The following VWA8 variants were observed in gnomAD, a reference collection of about 807,000 sequenced individuals.
VWA8 encodes von Willebrand factor A domain-containing protein 8.
VWA8 carries 221 observed loss-of-function variants against 241.5 expected under a neutral mutation model. That is an observed-to-expected ratio of 0.91 (90% CI 0.82 to 1.02). The LOEUF (loss-of-function observed/expected upper bound fraction) is 1.02, where lower values mean the gene tolerates loss of function less well. VWA8 is among the 50% of genes least tolerant of loss of function. The pLI is 0.00. For missense variants in VWA8, 2,322 were observed against 2,328.7 expected (o/e 1.00, Z 0.06); for synonymous variants, 852 against 827.1 (o/e 1.03, Z -0.52).
chr13:41,957,765 A>G (rs1386390662), intron 1 of VWA8, among the ~76,000 whole-genome samples: 3 of 152,274 alleles, frequency 2.0e-5, no homozygotes, highest in East Asian at 1.9e-4. Flanking sequence ...AAAGTATTTT[A>G]GGGTATTTCT....
intron 2 of VWA8, among the ~76,000 whole-genome samples, chr13:41,912,480 GAAT>G (rs1306792202): frequency 6.6e-6 from 1 of 151,964 alleles, no homozygotes; most frequent in Non-Finnish European, 1.5e-5. Context: ...CATAACATTT[GAAT>G]AATAACCTAT....
chr13:41,940,281 C>T lies in VWA8; in HGVS notation c.241+9655G>A, dbSNP rs76557775. On this transcript the variant is annotated intron_variant, in intron 2 of 44. Coordinates refer to ENST00000379310, the MANE Select transcript of VWA8 (RefSeq NM_015058.2). ...TGAAAGTCTATCATTTTATGTTTCA[C>T]TTGAAAATATTAAATATCTAAAAAG... Among the ~76,000 whole-genome samples the T allele has an allele frequency of 1.7e-3, 259 of 152,170 alleles. 2 individuals carry two copies. The highest frequency in any genetic ancestry group is 5.7e-3 in the African/African-American group (238 of 41,522).
chr13:41,789,471 C>CA (rs963290957), intron 17 of VWA8, among the ~76,000 whole-genome samples: 25 of 150,280 alleles, frequency 1.7e-4, no homozygotes, highest in East Asian at 3.9e-4. Flanking sequence ...ATTTTACCAA[C>CA]AAAAAAAAAT....
At chr13:41,702,224 CTTAA>C (rs1390153570) in intron 27 of VWA8, among the ~76,000 whole-genome samples, 1 of 152,118 alleles carries the variant, frequency 6.6e-6, no homozygotes, top group Non-Finnish European at 1.5e-5. Flanking sequence ...CCCTACAGTC[CTTAA>C]TTAATCAAAA....
intron 2 of VWA8, among the ~76,000 whole-genome samples, chr13:41,919,558 C>T (rs1593869468): frequency 6.6e-6 from 1 of 152,224 alleles, no homozygotes; most frequent in South Asian, 2.1e-4. Flanking sequence ...CACTGCAGCA[C>T]AGCTACCTGG....
intron 12 of VWA8, among the ~76,000 whole-genome samples, chr13:41,855,099 T>C (rs1236986207): frequency 1.3e-5 from 2 of 151,614 alleles, no homozygotes; most frequent in Non-Finnish European, 2.9e-5. Flanking sequence ...AAATGTGAAA[T>C]AGGGGGAAAA....
chr13:41,652,740 T>A (rs1385024937), intron 37 of VWA8, among the ~76,000 whole-genome samples: 1 of 152,216 alleles, frequency 6.6e-6, no homozygotes, highest in Non-Finnish European at 1.5e-5. Flanking sequence ...TGTGCTACAA[T>A]ACCTCACTAA....
At chr13:41,582,234 C>A (rs1291420472) in intron 42 of VWA8, among the ~76,000 whole-genome samples, 1 of 152,130 alleles carries the variant, frequency 6.6e-6, no homozygotes, top group Non-Finnish European at 1.5e-5. Flanking sequence ...GCTCTAGGGT[C>A]CCTGTGGTTT....
chr13:41,757,804 A>T (rs539350546), intron 21 of VWA8, among the ~76,000 whole-genome samples: 6 of 151,682 alleles, frequency 4.0e-5, no homozygotes, highest in Non-Finnish European at 8.9e-5. Context: ...AGAAACATGG[A>T]AAGTTGGGAG....
At chr13:41,907,998 G>A (rs1875806899) in intron 3 of VWA8, among the ~76,000 whole-genome samples, 1 of 151,958 alleles carries the variant, frequency 6.6e-6, no homozygotes, top group African/African-American at 2.4e-5. Flanking sequence ...CAAATATAAT[G>A]AGCAATAATT....
At chr13:41,944,424 C>T (rs1292931636) in intron 2 of VWA8, among the ~76,000 whole-genome samples, 1 of 152,090 alleles carries the variant, frequency 6.6e-6, no homozygotes. Context: ...AGGAGGCATG[C>T]AGTTGCACAA....
At chr13:41,700,888 A>C (rs1009206381) in intron 28 of VWA8, among the ~76,000 whole-genome samples, 5 of 152,306 alleles carry the variant, frequency 3.3e-5, no homozygotes, top group South Asian at 2.1e-4. Context: ...GCAGTTGAGG[A>C]ACTTCTGCCA....
intron 37 of VWA8, among the ~76,000 whole-genome samples, chr13:41,664,193 G>C (rs79927247): frequency 0.011 from 1,719 of 152,060 alleles, 35 homozygotes; most frequent in Non-Finnish European, 9.0e-3. Flanking sequence ...AGCTTGGCTG[G>C]ATATAAATTC....
At chr13:41,794,146 T>G (rs907748155) in intron 17 of VWA8, among the ~76,000 whole-genome samples, 2 of 152,182 alleles carry the variant, frequency 1.3e-5, no homozygotes, top group African/African-American at 4.8e-5. Flanking sequence ...TTATGAATTT[T>G]AACATAGTTT....
chr13:41,575,818 A>G lies in VWA8; in HGVS notation c.5292T>C (p.Ser1764=). The change falls in exon 43 of 45, where the codon TCT becomes TCC. Residue 1764 remains serine (S), a synonymous_variant. Coordinates refer to ENST00000379310, the MANE Select transcript of VWA8 (RefSeq NM_015058.2). ...EKFQYDIVGH[S]GDGYNIGLVP... is the part of the protein sequence containing the mutation. ...CCAGACCAATGTTGTAGCCATCTCCAGAGTGTCCAACGATGTCATACTACA... is the reference window on the plus strand; with the variant it reads ...CCAGACCAATGTTGTAGCCATCTCCGGAGTGTCCAACGATGTCATACTACA... 1 of 1,612,888 alleles carries G rather than the reference A, an allele frequency of 6.2e-7. No individual in the cohort carries two copies. Among genetic ancestry groups the G allele is most frequent in the Non-Finnish European group, 8.5e-7 (1 of 1,179,792 alleles).
chr13:41,800,814 C>T (rs374572557), intron 17 of VWA8, among the ~76,000 whole-genome samples: 1,955 of 150,848 alleles, frequency 0.013, 22 homozygotes, highest in Middle Eastern at 0.052. Context: ...AAAAAAACAC[C>T]GTGTTTTAGA....
intron 9 of VWA8, among the ~76,000 whole-genome samples, chr13:41,873,316 A>T (rs1047256224): frequency 6.6e-6 from 1 of 152,222 alleles, no homozygotes. Context: ...AGCAGAAGGC[A>T]AGAAATAACT....
At chr13:41,666,768 A>G (rs1386280396) in intron 37 of VWA8, among the ~76,000 whole-genome samples, 1 of 152,174 alleles carries the variant, frequency 6.6e-6, no homozygotes, top group Non-Finnish European at 1.5e-5. Context: ...TAAACAATAA[A>G]AAAATAATTA....
intron 2 of VWA8, among the ~76,000 whole-genome samples, chr13:41,930,495 A>G (rs74947378): frequency 1.4e-4 from 21 of 152,354 alleles, no homozygotes; most frequent in African/African-American, 4.6e-4. Context: ...TAAAGAAACC[A>G]TGATACAGGT....
Sources: gnomAD v4.1 joint callset for allele counts (sites outside exome capture counted in the v4.1 genomes callset) on GRCh38, gnomAD v4.1.1 for gene constraint, MANE v1.5 for transcripts, NCBI Gene and HGNC (gene_info 2026-07-23, HGNC 2026-07-21) for gene names.